CAMK4: variants seen among roughly 807,000 people sequenced by gnomAD.
CAMK4 encodes calcium/calmodulin dependent protein kinase IV.
Under a neutral mutation model 44.9 loss-of-function variants are expected in CAMK4, and 22 were observed. The ratio of observed to expected loss-of-function variants is 0.49; its 90% CI spans 0.35 to 0.70. CAMK4 has a LOEUF of 0.70. Among genes scored for constraint, CAMK4 ranks in the 30% least tolerant of loss-of-function variants. The probability of loss-of-function intolerance (pLI) is 0.01; values close to 1 mark genes in which losing one functional copy is unlikely to be tolerated. For missense variants in CAMK4, 498 were observed against 586.8 expected, an observed-to-expected ratio of 0.85 and a Z score of 1.56; for synonymous variants, 218 against 215.4, an observed-to-expected ratio of 1.01 and a Z score of -0.11.
At chr5:111,472,877 C>T (rs1201973082) in intron 7 of CAMK4, among the ~76,000 whole-genome samples, 1 of 152,176 alleles carries the variant, frequency 6.6e-6, no homozygotes, top group Non-Finnish European at 1.5e-5. Context: ...CTGTCAGACC[C>T]ACACACTCGC....
At chr5:111,430,916 T>C (rs1487915012) in intron 5 of CAMK4, among the ~76,000 whole-genome samples, 1 of 151,946 alleles carries the variant, frequency 6.6e-6, no homozygotes, top group Non-Finnish European at 1.5e-5. Flanking sequence ...ACTATCAAAA[T>C]ACAAATGACA....
At chr5:111,287,895 G>A (rs951555094) in intron 1 of CAMK4, among the ~76,000 whole-genome samples, 5 of 152,150 alleles carry the variant, frequency 3.3e-5, no homozygotes, top group Non-Finnish European at 7.3e-5. Flanking sequence ...AAAAGAAATG[G>A]GAAATTGCCA....
At chr5:111,343,297 T>TG in intron 1 of CAMK4, among the ~76,000 whole-genome samples, 1 of 151,868 alleles carries the variant, frequency 6.6e-6, no homozygotes, top group Non-Finnish European at 1.5e-5. Context: ...CTTCAAAGTC[T>TG]GACAAGTTTA....
chr5:111,268,974 AAAT>A (rs1273383723), intron 1 of CAMK4, among the ~76,000 whole-genome samples: 5 of 152,232 alleles, frequency 3.3e-5, no homozygotes, highest in African/African-American at 1.2e-4. Context: ...AAGCAGCAAA[AAAT>A]AAATATGAAA....
chr5:111,234,631 G>T (rs922700951), intron 1 of CAMK4, among the ~76,000 whole-genome samples: 3 of 152,210 alleles, frequency 2.0e-5, no homozygotes, highest in Non-Finnish European at 2.9e-5. Context: ...AGAGTTGTGG[G>T]CATTAGTGCC....
chr5:111,369,265 A>G (rs931535994), intron 2 of CAMK4, among the ~76,000 whole-genome samples: 1 of 151,952 alleles, frequency 6.6e-6, no homozygotes, highest in African/African-American at 2.4e-5. Flanking sequence ...GGGTTTCACC[A>G]TGTTGGCCAG....
At chr5:111,388,450 CA>C (rs1751683160) in intron 4 of CAMK4, among the ~76,000 whole-genome samples, 1 of 152,098 alleles carries the variant, frequency 6.6e-6, no homozygotes. Context: ...TGAATATCAC[CA>C]CTTTCTTCTT....
At chr5:111,326,903 GGGT>G in intron 1 of CAMK4, among the ~76,000 whole-genome samples, 1 of 151,968 alleles carries the variant, frequency 6.6e-6, no homozygotes, top group Admixed American at 6.6e-5. Flanking sequence ...TCATGAAACA[GGGT>G]GATGACTAAT....
chr5:111,260,218 A>G (rs1465773790), intron 1 of CAMK4, among the ~76,000 whole-genome samples: 1 of 152,142 alleles, frequency 6.6e-6, no homozygotes, highest in Non-Finnish European at 1.5e-5. Flanking sequence ...TCATCAGGTC[A>G]CTAAAGCTGC....
intron 1 of CAMK4, among the ~76,000 whole-genome samples, chr5:111,279,379 A>G (rs1311880700): frequency 1.3e-5 from 2 of 152,144 alleles, no homozygotes; most frequent in Non-Finnish European, 2.9e-5. Flanking sequence ...TGCAGATCTC[A>G]GCTGTCTCTG....
intron 8 of CAMK4, among the ~76,000 whole-genome samples, chr5:111,478,076 A>T (rs1434385475): frequency 6.6e-6 from 1 of 151,042 alleles, no homozygotes; most frequent in African/African-American, 2.4e-5. Context: ...TATTATTATT[A>T]TTGTTCTTCT....
At chr5:111,435,927 A>G (rs1753629455) in intron 5 of CAMK4, among the ~76,000 whole-genome samples, 2 of 152,298 alleles carry the variant, frequency 1.3e-5, no homozygotes, top group Admixed American at 6.5e-5. Flanking sequence ...CTTATATACA[A>G]ATAAATATTA....
intron 1 of CAMK4, among the ~76,000 whole-genome samples, chr5:111,274,292 CT>C (rs1750665295): frequency 5.3e-5 from 8 of 151,998 alleles, no homozygotes; most frequent in Admixed American, 5.3e-4. Flanking sequence ...TTTTATTTTT[CT>C]TTATATTTAT....
intron 1 of CAMK4, among the ~76,000 whole-genome samples, chr5:111,301,763 C>T (rs1747727742): frequency 6.6e-6 from 1 of 152,182 alleles, no homozygotes; most frequent in Non-Finnish European, 1.5e-5. Context: ...CACAACTTTC[C>T]TATACATAAA....
chr5:111,275,154 C>A (rs992670818), intron 1 of CAMK4, among the ~76,000 whole-genome samples: 4 of 152,124 alleles, frequency 2.6e-5, no homozygotes, highest in Admixed American at 2.0e-4. Context: ...AATCTACCTT[C>A]TTAGCAGTTT....
Position 111,484,288 on chromosome 5 carries a change from A to T in CAMK4, c.1244A>T (p.Lys415Ile). 6.2e-7 allele frequency: 1 copy of T among 1,614,080 alleles called. No homozygotes were observed. The highest frequency in any genetic ancestry group is 1.1e-5 in the South Asian group (1 of 91,082). ...GATATAAATGCTGAAGAGGCCCCCA[A>T]AATGGTGCCCAAGGCAGTGGAGGAT... ...GADINAEEAP[K>I]MVPKAVEDGI... is the part of the protein sequence containing the mutation. Residue 415 changes from lysine to isoleucine, a missense_variant, in exon 11 of 11, where the codon AAA (lysine) becomes ATA (isoleucine). Physicochemically the swap from Lys to Ile is moderately radical, Grantham distance 102. Transcript: ENST00000282356. The surrounding 1 kb of genome is among the most constrained non-coding windows in gnomAD (Gnocchi z 5.3).
chr5:111,376,409 GC>G (rs1338187248), intron 3 of CAMK4, among the ~76,000 whole-genome samples: 9 of 151,972 alleles, frequency 5.9e-5, no homozygotes, highest in East Asian at 5.8e-4. Context: ...TTACATATAG[GC>G]CGACTTTAAG....
At chr5:111,405,340 C>T (rs557586924) in intron 5 of CAMK4, among the ~76,000 whole-genome samples, 9 of 152,122 alleles carry the variant, frequency 5.9e-5, no homozygotes, top group East Asian at 3.9e-4. Flanking sequence ...TGGTGGTGTG[C>T]GCCTATAGTC....
rs1403754436 is a variant in CAMK4 at position 111,224,768 on chromosome 5, G to GT, written c.161+125dup. On this transcript the variant is annotated intron_variant, in intron 1 of 10. Coordinates refer to ENST00000282356, the MANE Select transcript of CAMK4 (RefSeq NM_001744.6). This position sits in a 1 kb window ranked among gnomAD's most constrained non-coding sequence, Gnocchi z 5.7. ...CCTTCGATTTCTCCCTACCTAGTTA[G>GT]TGTCTTGAGAGAGAGCTAACCTTCA... 1 of 937,210 alleles carries GT rather than the reference G, an allele frequency of 1.1e-6. No homozygotes were observed. The highest frequency in any genetic ancestry group is 2.8e-5 in the Admixed American group (1 of 35,224). The allele number at this position is 937,210 out of a possible 1,614,324, so 58.1% of individuals were successfully genotyped here.
Sources: allele counts gnomAD v4.1 joint callset (sites outside exome capture counted in the v4.1 genomes callset), GRCh38; gene constraint gnomAD v4.1.1; non-coding constraint Gnocchi (gnomAD v3.1); transcripts MANE v1.5; gene names NCBI Gene and HGNC (gene_info 2026-07-23, HGNC 2026-07-21).